Variants in GCGR observed in about 807,000 individuals in gnomAD.
The protein encoded by GCGR is glucagon receptor.
GCGR carries 41 observed loss-of-function variants against 56.1 expected under a neutral mutation model. The ratio of observed to expected loss-of-function variants is 0.73; its 90% confidence interval spans 0.57 to 0.95. The LOEUF (loss-of-function observed/expected upper bound fraction) is 0.95, where lower values mean the gene tolerates loss of function less well. GCGR is among the 40% of genes least tolerant of loss of function. The pLI is 0.00. For synonymous variants in GCGR, 278 were observed against 271.1 expected, an observed-to-expected ratio of 1.03 and a Z score of -0.25; for missense variants, 595 against 638.2, an observed-to-expected ratio of 0.93 and a Z score of 0.73.
rs1039673355 is a variant in GCGR at position 81,813,232 on chromosome 17, C to G, written c.1218+175C>G. On this transcript the variant is annotated intron_variant, in intron 13 of 13. Transcript: ENST00000400723. This position sits in a 1 kb window ranked among gnomAD's most constrained non-coding sequence, Gnocchi z 5.3. Reference sequence around the variant, plus strand: ...AGTTGCCATGGCGCTGGGTGTCAGGCCCCCAGGACAGGTTGGCCTCAGCCC... The same window carrying G: ...AGTTGCCATGGCGCTGGGTGTCAGGGCCCCAGGACAGGTTGGCCTCAGCCC... 1.3e-5 allele frequency among the ~76,000 whole-genome samples: 2 copies of G among 152,192 alleles called. No homozygotes were observed. Among genetic ancestry groups the G allele is most frequent in the Non-Finnish European group, 2.9e-5 (2 of 68,014 alleles).
chr17:81,807,128 C>T (rs897247722), intron 1 of GCGR, among the ~76,000 whole-genome samples: 3 of 152,128 alleles, frequency 2.0e-5, no homozygotes, highest in Non-Finnish European at 2.9e-5. Flanking sequence ...AGGCCCCTTG[C>T]GTGACCCCAG....
chr17:81,804,906 T>TCGG lies in GCGR; in HGVS notation c.-178+660_-178+662dup, dbSNP rs1267107817. On this transcript the variant is annotated intron_variant, in intron 1 of 13. Transcript: ENST00000400723. This position sits in a 1 kb window ranked among gnomAD's most constrained non-coding sequence, Gnocchi z 8.2. ...TCTGAACCGACTGACCCCGGCCCCC[T>TCGG]CGGCGCCCGCATCCTCCAAGGACCG... Among the ~76,000 whole-genome samples the TCGG allele has an allele frequency of 6.6e-6, 1 of 151,794 alleles. No homozygotes were observed. Among genetic ancestry groups the TCGG allele is most frequent in the African/African-American group, 2.4e-5 (1 of 41,268 alleles).
chr17:81,812,370 A>T lies in GCGR; in HGVS notation c.948+118A>T, dbSNP rs970717242. Reference sequence around the variant, plus strand: ...GCGCTGGGAGGGAGCCGGCACCCAGACAGGACACCAGGACACTGGCCAGCA... The same window carrying T: ...GCGCTGGGAGGGAGCCGGCACCCAGTCAGGACACCAGGACACTGGCCAGCA... On this transcript the variant is annotated intron_variant, in intron 10 of 13. Coordinates refer to ENST00000400723, the MANE Select transcript of GCGR (RefSeq NM_000160.5). This position sits in a 1 kb window ranked among gnomAD's most constrained non-coding sequence, Gnocchi z 8.5. The T allele has an allele frequency of 8.2e-7, 1 of 1,224,544 alleles. No individual in the cohort carries two copies. The highest frequency in any genetic ancestry group is 1.5e-5 in the African/African-American group (1 of 66,770). The allele number at this position is 1,224,544 out of a possible 1,614,324, so 75.9% of individuals were successfully genotyped here. A position where few individuals can be genotyped will look rare whatever the true frequency, so the allele number is the denominator to read the frequency against.
chr17:81,811,328 G>A lies in GCGR; in HGVS notation c.500G>A (p.Ser167Asn), dbSNP rs1385535030. 4.6e-6 allele frequency: 7 copies of A among 1,534,920 alleles called. No individual in the cohort carries two copies. The highest frequency in any genetic ancestry group is 1.2e-5 in the South Asian group (1 of 84,056). ...LLALAILGGL[S>N]KLHCTRNAIH... ...GCCTTGGCCATCCTGGGGGGCCTCA[G>A]GTAGGATTCCGCCAGCGCCCGGGGC... The change falls in exon 6 of 14, where the codon AGC (serine) becomes AAC (asparagine). Residue 167 changes from serine to asparagine, a missense_variant and splice_region_variant. Ser to Asn is a conservative substitution (Grantham distance 46). Transcript: ENST00000400723. This position sits in a 1 kb window ranked among gnomAD's most constrained non-coding sequence, Gnocchi z 5.8.
Position 81,811,184 on chromosome 17 carries a change from GC to G in GCGR, c.394-34del. 5.9e-6 allele frequency: 9 copies of G among 1,536,090 alleles called. No individual in the cohort carries two copies. Among genetic ancestry groups the G allele is most frequent in the Non-Finnish European group, 7.8e-6 (9 of 1,146,790 alleles). On this transcript the variant is annotated intron_variant, in intron 5 of 13. Transcript: ENST00000400723. This position sits in a 1 kb window ranked among gnomAD's most constrained non-coding sequence, Gnocchi z 5.8. Reference sequence around the variant, plus strand: ...GGGCTGGATGGGAACGGGCATGGGGGCCCCTGCCTGGCCCTCACAGGCCACT... The same window carrying G: ...GGGCTGGATGGGAACGGGCATGGGGGCCCTGCCTGGCCCTCACAGGCCACT...
At position 81,812,640 on chromosome 17, in the gene GCGR, A is replaced by G. The variant is rs2143142998; in HGVS notation, c.1012A>G (p.Met338Val). 6.5e-7 allele frequency: 1 copy of G among 1,536,342 alleles called. No individual in the cohort carries two copies. The highest frequency in any genetic ancestry group is 8.7e-7 in the Non-Finnish European group (1 of 1,146,760). The change falls in exon 11 of 14, where the codon ATG (methionine) becomes GTG (valine). Residue 338 changes from methionine to valine, a missense_variant. By Grantham distance (21) the Met-to-Val change is conservative. Coordinates refer to ENST00000400723, the MANE Select transcript of GCGR (RefSeq NM_000160.5). This position sits in a 1 kb window ranked among gnomAD's most constrained non-coding sequence, Gnocchi z 8.5. ...LLVAKLRARQ[M>V]HHTDYKFRLA... ...CGTGGCCAAGCTGCGGGCACGGCAGATGCACCACACAGACTACAAGTTCCG... is the reference window on the plus strand; with the variant it reads ...CGTGGCCAAGCTGCGGGCACGGCAGGTGCACCACACAGACTACAAGTTCCG...
rs1005093583 is a variant in GCGR at position 81,808,320 on chromosome 17, C to T, written c.-177-522C>T. ...GTGAGGAGGATGGTGAGGAAGCAGC[C>T]GGGGGCTGTCAACTGAGGGAGGAGG... On this transcript the variant is annotated intron_variant, in intron 1 of 13. Coordinates refer to ENST00000400723, the MANE Select transcript of GCGR (RefSeq NM_000160.5). Among the ~76,000 whole-genome samples, 7 of 152,146 alleles carry T rather than the reference C, an allele frequency of 4.6e-5. No homozygotes were observed. In the South Asian group the frequency reaches 6.2e-4, roughly 14 times the overall value.
In GCGR at chr17:81,814,003, T is replaced by G; in HGVS notation, c.*314T>G. On this transcript the variant is annotated 3_prime_UTR_variant, in exon 14 of 14. Transcript: ENST00000400723. ...GTCCTCCAACAATAAAGAGCTCAAG[T>G]GGTCACCGTGCATGTCCTGGAAAGC... 8.0e-6 allele frequency: 3 copies of G among 373,224 alleles called. No individual in the cohort carries two copies. The highest frequency in any genetic ancestry group is 1.0e-5 in the Non-Finnish European group (2 of 200,352). The allele number at this position is 373,224 out of a possible 1,614,324, so 23.1% of individuals were successfully genotyped here.
Position 81,813,703 on chromosome 17 carries a change from C to T in GCGR, c.*14C>T, listed in dbSNP as rs769543584. 5 of 1,532,648 alleles carry T rather than the reference C, an allele frequency of 3.3e-6. 1 individual carries two copies. In the African/African-American group the frequency reaches 6.9e-5, roughly 21 times the overall value. The allele number at this position is 1,532,648 out of a possible 1,614,324, so 94.9% of individuals were successfully genotyped here. A position where few individuals can be genotyped will look rare whatever the true frequency, so the allele number is the denominator to read the frequency against. ...AGCCCCTTCTGAACCCTGCTGGGAC[C>T]CCAGCTAGGGCTGGACTCTGGCACC... On this transcript the variant is annotated 3_prime_UTR_variant, in exon 14 of 14. Coordinates refer to ENST00000400723, the MANE Select transcript of GCGR (RefSeq NM_000160.5). This position sits in a 1 kb window ranked among gnomAD's most constrained non-coding sequence, Gnocchi z 5.3.
At position 81,810,391 on chromosome 17, in the gene GCGR, T is replaced by G. The variant is rs2038068168; in HGVS notation, c.164-434T>G. On this transcript the variant is annotated intron_variant, in intron 3 of 13. Coordinates refer to ENST00000400723, the MANE Select transcript of GCGR (RefSeq NM_000160.5). This position sits in a 1 kb window ranked among gnomAD's most constrained non-coding sequence, Gnocchi z 4.6. ...GGGGGGCAGGTGTGGCAGCCTCCAT[T>G]GGGCAGAGGGAGCAGATGTGGCAGC... The G allele has an allele frequency of 3.0e-6, 1 of 328,970 alleles. No individual in the cohort carries two copies. Among genetic ancestry groups the G allele is most frequent in the Non-Finnish European group, 5.8e-6 (1 of 171,022 alleles). The allele number at this position is 328,970 out of a possible 1,614,324, so 20.4% of individuals were successfully genotyped here. A position where few individuals can be genotyped will look rare whatever the true frequency, so the allele number is the denominator to read the frequency against.
Position 81,812,641 on chromosome 17 carries a change from T to G in GCGR, c.1013T>G (p.Met338Arg). The G allele has an allele frequency of 6.5e-7, 1 of 1,536,358 alleles. No homozygotes were observed. The highest frequency in any genetic ancestry group is 1.2e-5 in the South Asian group (1 of 84,044). Residue 338 changes from methionine to arginine, a missense_variant, in exon 11 of 14, where the codon ATG becomes AGG. Transcript: ENST00000400723. This position sits in a 1 kb window ranked among gnomAD's most constrained non-coding sequence, Gnocchi z 8.5. ...LLVAKLRARQ[M>R]HHTDYKFRLA... ...GTGGCCAAGCTGCGGGCACGGCAGA[T>G]GCACCACACAGACTACAAGTTCCGG...
In GCGR at chr17:81,806,709, C is replaced by A. The variant is rs1196643313; in HGVS notation, c.-177-2133C>A. ...GTTGGGGCAGAGCCAGGCTTGGCCA[C>A]GCTGGGCTCTAAGGGGCTGTCATTT... On this transcript the variant is annotated intron_variant, in intron 1 of 13. Transcript: ENST00000400723. The surrounding 1 kb of genome is among the most constrained non-coding windows in gnomAD (Gnocchi z 6.5). Among the ~76,000 whole-genome samples the A allele has an allele frequency of 2.0e-5, 3 of 152,098 alleles. No homozygotes were observed. The East Asian group carries it at 5.8e-4, about 29-fold the overall frequency.
rs991110859 is a variant in GCGR, at chr17:81,806,132, G to A, written c.-178+1883G>A. Among the ~76,000 whole-genome samples the A allele has an allele frequency of 3.3e-5, 5 of 152,074 alleles. No individual in the cohort carries two copies. Among genetic ancestry groups the A allele is most frequent in the Non-Finnish European group, 1.5e-5 (1 of 68,004 alleles). ...GCTCTCCAGGCCAGGCTCTCTCATG[G>A]GTGCTCAGCTGGAAATTGGTCCCCC... On this transcript the variant is annotated intron_variant, in intron 1 of 13. Coordinates refer to ENST00000400723, the MANE Select transcript of GCGR (RefSeq NM_000160.5). This position sits in a 1 kb window ranked among gnomAD's most constrained non-coding sequence, Gnocchi z 6.5.
Position 81,810,798 on chromosome 17 carries a change from T to TCTGCC in GCGR, c.164-19_164-15dup, listed in dbSNP as rs747076922. Reference sequence around the variant, plus strand: ...CTTCTCCCACCCTGCCCTGCCCTGCTCTGCCCTGCCCTACCCTACCCTGCA... The same window carrying TCTGCC: ...CTTCTCCCACCCTGCCCTGCCCTGCTCTGCCCTGCCCTGCCCTACCCTACCCTGCA... On this transcript the variant is annotated intron_variant, in intron 3 of 13. Coordinates refer to ENST00000400723, the MANE Select transcript of GCGR (RefSeq NM_000160.5). This position sits in a 1 kb window ranked among gnomAD's most constrained non-coding sequence, Gnocchi z 4.6. 4.0e-5 allele frequency: 61 copies of TCTGCC among 1,521,278 alleles called. No individual in the cohort carries two copies. In the South Asian group the frequency reaches 6.8e-4, roughly 17 times the overall value. The allele number at this position is 1,521,278 out of a possible 1,614,324, so 94.2% of individuals were successfully genotyped here.
In GCGR at chr17:81,811,569, C is replaced by T. The variant is rs555145298; in HGVS notation, c.657+9C>T. The T allele has an allele frequency of 9.5e-4, 1,466 of 1,536,236 alleles. 3 individuals carry two copies. Among genetic ancestry groups the T allele is most frequent in the South Asian group, 1.2e-3 (104 of 84,054 alleles). On this transcript the variant is annotated intron_variant, in intron 7 of 13. Transcript: ENST00000400723. This position sits in a 1 kb window ranked among gnomAD's most constrained non-coding sequence, Gnocchi z 5.8. ...CCTGGCTCAGTGATGGAGTGAGCCC[C>T]CCTCGGCGGCCCCAGGCAGGTGGGT...
chr17:81,811,225 G>A lies in GCGR; in HGVS notation c.397G>A (p.Glu133Lys), dbSNP rs1229061446. The stretch of plus-strand genomic sequence containing the variant: ...CACAGGCCACTGTAACTCGCAGAAG[G>A]AGGTGGCCAAGATGTACAGCAGCTT... ...MDGEEIEVQKEVAKMYSSFQV... is the reference protein window; with the variant it reads ...MDGEEIEVQKKVAKMYSSFQV... Residue 133 changes from glutamate to lysine, a missense_variant, in exon 6 of 14, where the codon GAG (glutamate) becomes AAG (lysine). Glu to Lys is a moderately conservative substitution (Grantham distance 56). Transcript: ENST00000400723. This position sits in a 1 kb window ranked among gnomAD's most constrained non-coding sequence, Gnocchi z 5.8. 1 of 1,536,198 alleles carries A rather than the reference G, an allele frequency of 6.5e-7. No individual in the cohort carries two copies. Among genetic ancestry groups the A allele is most frequent in the African/African-American group, 1.4e-5 (1 of 73,052 alleles).
chr17:81,812,005 TG>T lies in GCGR; in HGVS notation c.878+61del. On this transcript the variant is annotated intron_variant, in intron 9 of 13. Transcript: ENST00000400723. This position sits in a 1 kb window ranked among gnomAD's most constrained non-coding sequence, Gnocchi z 8.5. Reference sequence around the variant, plus strand: ...ACCGGGGGGCTGGGGTGCGGCGCTCTGGCCTGAGGCAGGGAGGGGCCGGGGA... The same window carrying T: ...ACCGGGGGGCTGGGGTGCGGCGCTCTGCCTGAGGCAGGGAGGGGCCGGGGA... The T allele has an allele frequency of 6.6e-7, 1 of 1,521,850 alleles. No individual in the cohort carries two copies. Among genetic ancestry groups the T allele is most frequent in the Non-Finnish European group, 8.8e-7 (1 of 1,135,190 alleles). 94.3% of individuals were successfully genotyped at this position (1,521,850 alleles called of 1,614,324 possible).
At position 81,812,738 on chromosome 17, in the gene GCGR, T is replaced by G; in HGVS notation, c.1038-69T>G. On this transcript the variant is annotated intron_variant, in intron 11 of 13. Transcript: ENST00000400723. The surrounding 1 kb of genome is among the most constrained non-coding windows in gnomAD (Gnocchi z 8.5). ...CCAGAGGGCAGCTGGGGGTGGGGACTCCAAGCTCCACGTGGATGGTGCGGG... is the reference window on the plus strand; with the variant it reads ...CCAGAGGGCAGCTGGGGGTGGGGACGCCAAGCTCCACGTGGATGGTGCGGG... The G allele has an allele frequency of 6.5e-7, 1 of 1,527,840 alleles. No homozygotes were observed. Among genetic ancestry groups the G allele is most frequent in the Admixed American group, 2.0e-5 (1 of 50,852 alleles). The allele number at this position is 1,527,840 out of a possible 1,614,324, so 94.6% of individuals were successfully genotyped here.
chr17:81,810,992 C>T lies in GCGR; in HGVS notation c.272-18C>T, dbSNP rs1394006256. On this transcript the variant is annotated intron_variant, in intron 4 of 13. Coordinates refer to ENST00000400723, the MANE Select transcript of GCGR (RefSeq NM_000160.5). The surrounding 1 kb of genome is among the most constrained non-coding windows in gnomAD (Gnocchi z 4.6). ...GGCCCAGGGTGGGGCTGACCCCAGC[C>T]TCCCCCCACACCCCCAGTGCAACAC... The T allele has an allele frequency of 1.5e-5, 23 of 1,535,682 alleles. 1 individual carries two copies. The highest frequency in any genetic ancestry group is 1.1e-4 in the South Asian group (9 of 84,056).
Sources: allele counts gnomAD v4.1 joint callset (sites outside exome capture counted in the v4.1 genomes callset), GRCh38; gene constraint gnomAD v4.1.1; non-coding constraint Gnocchi (gnomAD v3.1); transcripts MANE v1.5; gene names NCBI Gene and HGNC (gene_info 2026-07-23, HGNC 2026-07-21).